The following TAF2 variants were observed in gnomAD, a reference collection of about 807,000 sequenced individuals.
The protein encoded by TAF2 is transcription initiation factor TFIID subunit 2.
Under a neutral mutation model 138.5 loss-of-function variants are expected in TAF2, and 61 were observed. The observed-to-expected ratio is 0.44, with a 90% confidence interval of 0.36 to 0.54. The LOEUF is 0.54. Ranked by LOEUF, TAF2 falls within the 20% of genes least tolerant of loss-of-function variation. The pLI is 0.00. For synonymous variants in TAF2, 475 were observed against 469.9 expected (o/e 1.01, Z -0.14); for missense variants, 1,090 against 1,427.9 (o/e 0.76, Z 3.81).
intron 23 of TAF2, among the ~76,000 whole-genome samples, chr8:119,746,373 C>CA (rs11392436): frequency 0.1 from 5,421 of 53,490 alleles, 466 homozygotes; most frequent in African/African-American, 0.16. Flanking sequence ...AACTCTGTCT[C>CA]AAAAAAAAAA....
At chr8:119,774,243 T>C (rs913513405) in intron 18 of TAF2, among the ~76,000 whole-genome samples, 1 of 152,124 alleles carries the variant, frequency 6.6e-6, no homozygotes, top group African/African-American at 2.4e-5. Flanking sequence ...CATAAGTTAC[T>C]CATCACAGTA....
intron 3 of TAF2, among the ~76,000 whole-genome samples, chr8:119,817,660 G>A (rs985781660): frequency 1.3e-5 from 2 of 152,104 alleles, no homozygotes; most frequent in African/African-American, 4.8e-5. Context: ...CCTGAGACCT[G>A]GGCAGCAACA....
At chr8:119,793,754 C>G (rs1056017181) in intron 9 of TAF2, among the ~76,000 whole-genome samples, 1 of 152,104 alleles carries the variant, frequency 6.6e-6, no homozygotes, top group African/African-American at 2.4e-5. Flanking sequence ...TTTATTTTTC[C>G]TTCTCTGTAT....
rs545709480 is a variant in TAF2, at chr8:119,788,543, T to C, written c.1684-96A>G. ...GAGAAATATAAATCAAGATATAAAATATTACACAAAATGAGTATCTGGAGA... is the reference window on the plus strand; with the variant it reads ...GAGAAATATAAATCAAGATATAAAACATTACACAAAATGAGTATCTGGAGA... On this transcript the variant is annotated intron_variant, in intron 13 of 25. Coordinates refer to ENST00000378164, the MANE Select transcript of TAF2 (RefSeq NM_003184.4). The C allele has an allele frequency of 2.9e-5, 29 of 991,726 alleles. No homozygotes were observed. The South Asian group carries it at 3.8e-4, about 13-fold the overall frequency. 61.4% of individuals were successfully genotyped at this position (991,726 alleles called of 1,614,324 possible). A position where few individuals can be genotyped will look rare whatever the true frequency, so the allele number is the denominator to read the frequency against.
rs779892741 is a variant in TAF2 at position 119,756,139 on chromosome 8, T to A, written c.2769-24A>T. On this transcript the variant is annotated intron_variant, in intron 21 of 25. Coordinates refer to ENST00000378164, the MANE Select transcript of TAF2 (RefSeq NM_003184.4). The stretch of plus-strand genomic sequence containing the variant: ...GCCTGAAAGATTAAAAAAAATTAAA[T>A]TTTTGCTGACCTTTTACTGACAGAT... 1.3e-5 allele frequency: 21 copies of A among 1,589,650 alleles called. 1 individual carries two copies. Among genetic ancestry groups the A allele is most frequent in the Middle Eastern group, 1.7e-4 (1 of 6,038 alleles).
chr8:119,781,700 C>CTT (rs760154157), intron 16 of TAF2, among the ~76,000 whole-genome samples: 1 of 145,054 alleles, frequency 6.9e-6, no homozygotes, highest in Non-Finnish European at 1.5e-5. Flanking sequence ...TATTTTTCCT[C>CTT]TTTTTTTTTT....
At chr8:119,766,877 T>C (rs1821463581) in intron 18 of TAF2, 1 of 152,138 alleles carries the variant, frequency 6.6e-6, no homozygotes, top group Admixed American at 6.6e-5. Context: ...ATACATGATA[T>C]ATGTAGGTAT....
At chr8:119,816,421 A>T (rs1382316911) in intron 3 of TAF2, among the ~76,000 whole-genome samples, 1 of 152,190 alleles carries the variant, frequency 6.6e-6, no homozygotes, top group Non-Finnish European at 1.5e-5. Flanking sequence ...AACAAATAAT[A>T]AGAAAATGTG....
At chr8:119,752,062 A>C (rs1820391264) in intron 22 of TAF2, among the ~76,000 whole-genome samples, 1 of 152,154 alleles carries the variant, frequency 6.6e-6, no homozygotes, top group African/African-American at 2.4e-5. Context: ...TTGAGAAAAC[A>C]ACCAGATATA....
chr8:119,796,243 G>C (rs1293064400), intron 8 of TAF2, among the ~76,000 whole-genome samples: 2 of 151,594 alleles, frequency 1.3e-5, no homozygotes, highest in African/African-American at 4.8e-5. Flanking sequence ...ACTTCTACAT[G>C]TGATTTTAGG....
rs183284127 is a variant in TAF2 at position 119,735,570 on chromosome 8, C to T, written c.3338-3384G>A. 2.2e-4 allele frequency among the ~76,000 whole-genome samples: 34 copies of T among 152,254 alleles called. 1 individual carries two copies. Among genetic ancestry groups the T allele is most frequent in the Admixed American group, 1.6e-3 (24 of 15,290 alleles). ...TCACTTATTATTCACATTTTAGTAT[C>T]CCAAAATTCTATTTCTTATATTCAT... On this transcript the variant is annotated intron_variant, in intron 25 of 25. Coordinates refer to ENST00000378164, the MANE Select transcript of TAF2 (RefSeq NM_003184.4).
chr8:119,821,350 C>G lies in TAF2; in HGVS notation c.139-1844G>C, dbSNP rs188943133. The stretch of plus-strand genomic sequence containing the variant: ...TTCACAGATAACCATTCTCCTGGAG[C>G]CCACACTCCATTTTAAACATTTCCC... On this transcript the variant is annotated intron_variant, in intron 2 of 25. Transcript: ENST00000378164. Among the ~76,000 whole-genome samples, 22 of 152,302 alleles carry G rather than the reference C, an allele frequency of 1.4e-4. No individual in the cohort carries two copies. In the East Asian group the frequency reaches 4.2e-3, roughly 29 times the overall value.
At chr8:119,811,837 A>G (rs1252668334) in intron 3 of TAF2, among the ~76,000 whole-genome samples, 1 of 151,888 alleles carries the variant, frequency 6.6e-6, no homozygotes, top group African/African-American at 2.4e-5. Context: ...AATAACCAAA[A>G]CAAAATTTAA....
At chr8:119,812,699 T>C (rs1262160290) in intron 3 of TAF2, among the ~76,000 whole-genome samples, 2 of 151,830 alleles carry the variant, frequency 1.3e-5, no homozygotes, top group Non-Finnish European at 2.9e-5. Context: ...TATTTTTTTA[T>C]GGCTGAGTAG....
At chr8:119,795,460 A>G (rs1823756238) in intron 9 of TAF2, 72 bp downstream of exon 9, 3 of 1,307,662 alleles carry the variant, frequency 2.3e-6, no homozygotes, top group East Asian at 2.3e-5. Context: ...CAGTATTTTA[A>G]AAGTATTTTA....
intron 4 of TAF2, among the ~76,000 whole-genome samples, chr8:119,805,141 A>G (rs1318900605): frequency 6.6e-6 from 1 of 152,194 alleles, no homozygotes; most frequent in Non-Finnish European, 1.5e-5. Flanking sequence ...CTAATATACA[A>G]TATTACAATG....
chr8:119,751,635 A>T (rs1235222920), intron 22 of TAF2, among the ~76,000 whole-genome samples: 2 of 152,184 alleles, frequency 1.3e-5, no homozygotes, highest in African/African-American at 4.8e-5. Context: ...TCTTTCCATT[A>T]TACTTAGTTA....
chr8:119,761,559 G>C (rs755935422), intron 19 of TAF2: 2 of 152,140 alleles, frequency 1.3e-5, no homozygotes, highest in African/African-American at 2.4e-5. Flanking sequence ...CCAGCACTTT[G>C]GGAGGCCAAG....
At chr8:119,827,983 TCTG>T (rs1826210662) in intron 2 of TAF2, among the ~76,000 whole-genome samples, 1 of 152,154 alleles carries the variant, frequency 6.6e-6, no homozygotes, top group African/African-American at 2.4e-5. Context: ...GACCTCGTGA[TCTG>T]CCCACCTCGG....
Sources: allele counts gnomAD v4.1 joint callset (sites outside exome capture counted in the v4.1 genomes callset), GRCh38; gene constraint gnomAD v4.1.1; transcripts MANE v1.5; gene names NCBI Gene and HGNC (gene_info 2026-07-23, HGNC 2026-07-21).